Variants in EHD3 observed in about 807,000 individuals in gnomAD.
The protein encoded by EHD3 is EH domain containing 3, also known as EH domain-containing protein 3.
A neutral mutation model predicts 43.0 loss-of-function variants in EHD3; 17 were observed. The ratio of observed to expected loss-of-function variants is 0.40; its 90% CI spans 0.27 to 0.59. EHD3 has a LOEUF of 0.59. Among genes scored for constraint, EHD3 ranks in the 20% least tolerant of loss-of-function variants. The probability of loss-of-function intolerance (pLI) is 0.49; values close to 1 mark genes in which losing one functional copy is unlikely to be tolerated. For synonymous variants in EHD3, 313 were observed against 289.5 expected, an observed-to-expected ratio of 1.08 and a Z score of -0.82; for missense variants, 594 against 705.6, an observed-to-expected ratio of 0.84 and a Z score of 1.79.
Position 31,252,936 on chromosome 2 carries a change from C to G in EHD3, c.502+3468C>G, listed in dbSNP as rs182786718. Among the ~76,000 whole-genome samples the G allele has an allele frequency of 2.7e-3, 405 of 152,258 alleles. 2 individuals carry two copies. The highest frequency in any genetic ancestry group is 9.4e-3 in the African/African-American group (389 of 41,538). ...AAGAGCTAGAACTGGGCTGCTGGCGCCTGGGGCGGTGCTGACCTCAGCACC... is the reference window on the plus strand; with the variant it reads ...AAGAGCTAGAACTGGGCTGCTGGCGGCTGGGGCGGTGCTGACCTCAGCACC... On this transcript the variant is annotated intron_variant, in intron 3 of 5. Coordinates refer to ENST00000322054, the MANE Select transcript of EHD3 (RefSeq NM_014600.3).
chr2:31,244,314 C>T lies in EHD3; in HGVS notation c.268C>T (p.Pro90Ser), dbSNP rs1043343022. Residue 90 changes from proline (P) to serine (S), a missense_variant, in exon 2 of 6, where the codon CCT becomes TCT. Pro to Ser is a moderately conservative substitution (Grantham distance 74). Transcript: ENST00000322054. ...EQDFPGMRIG[P>S]EPTTDSFIAV... ...GGACTTCCCAGGCATGAGGATTGGG[C>T]CTGAGCCCACCACAGACTCCTTCAT... 4 of 1,614,166 alleles carry T rather than the reference C, an allele frequency of 2.5e-6. No individual in the cohort carries two copies. The South Asian group carries it at 3.3e-5, about 13-fold the overall frequency.
chr2:31,242,011 G>C (rs1330065378), intron 1 of EHD3, among the ~76,000 whole-genome samples: 1 of 152,224 alleles, frequency 6.6e-6, no homozygotes, highest in Non-Finnish European at 1.5e-5. Flanking sequence ...TGCCCTGTGT[G>C]GCGGGTGGCC....
chr2:31,241,625 G>T (rs1393019656), intron 1 of EHD3, among the ~76,000 whole-genome samples: 2 of 152,168 alleles, frequency 1.3e-5, no homozygotes, highest in African/African-American at 4.8e-5. Context: ...GGAAAATTTA[G>T]AACAACGTCC....
rs376904165 is a variant in EHD3 at position 31,266,140 on chromosome 2, C to T, written c.1081-37C>T. On this transcript the variant is annotated intron_variant, in intron 5 of 5. Transcript: ENST00000322054. This position sits in a 1 kb window ranked among gnomAD's most constrained non-coding sequence, Gnocchi z 5.1. Reference sequence around the variant, plus strand: ...GATAAATGGAGGGCTCTCCTTTCATCGTATCCTATCTTCATCCTCTCTCCT... The same window carrying T: ...GATAAATGGAGGGCTCTCCTTTCATTGTATCCTATCTTCATCCTCTCTCCT... 2.0e-5 allele frequency: 32 copies of T among 1,571,012 alleles called. No individual in the cohort carries two copies. Among genetic ancestry groups the T allele is most frequent in the African/African-American group, 1.4e-5 (1 of 74,038 alleles).
chr2:31,240,294 T>C (rs1249154726), intron 1 of EHD3, among the ~76,000 whole-genome samples: 1 of 152,176 alleles, frequency 6.6e-6, no homozygotes, highest in Non-Finnish European at 1.5e-5. Flanking sequence ...CTGGCCTGAA[T>C]TAACTTTTCT....
chr2:31,239,449 C>A (rs79887799), intron 1 of EHD3, among the ~76,000 whole-genome samples: 3 of 152,268 alleles, frequency 2.0e-5, no homozygotes, highest in Admixed American at 2.0e-4. Flanking sequence ...ACTGTGTCCG[C>A]GTGCCTCGGC....
At chr2:31,253,238 A>T (rs1296349287) in intron 3 of EHD3, among the ~76,000 whole-genome samples, 1 of 94,664 alleles carries the variant, frequency 1.1e-5, no homozygotes, top group African/African-American at 5.1e-5. Context: ...CCCCACAGCA[A>T]CCCCCTCCCA....
intron 3 of EHD3, among the ~76,000 whole-genome samples, chr2:31,254,868 C>T (rs1683720289): frequency 6.6e-6 from 1 of 152,230 alleles, no homozygotes; most frequent in South Asian, 2.1e-4. Flanking sequence ...GTATGCCCTA[C>T]TTACCTCCTG....
At position 31,260,648 on chromosome 2, in the gene EHD3, T is replaced by G. The variant is rs762432989; in HGVS notation, c.641T>G (p.Met214Arg). 1 of 1,614,194 alleles carries G rather than the reference T, an allele frequency of 6.2e-7. No homozygotes were observed. The highest frequency in any genetic ancestry group is 1.1e-5 in the South Asian group (1 of 91,084). ...GCCCTCAAGAACCACGAGGACAAGA[T>G]GCGAGTGGTGCTGAACAAAGCTGAC... Reference protein sequence around the residue: ...IKALKNHEDKMRVVLNKADQI... With the variant: ...IKALKNHEDKRRVVLNKADQI... The change falls in exon 4 of 6, where the codon ATG (methionine) becomes AGG (arginine). Residue 214 changes from methionine to arginine, a missense_variant. This residue lies in a region of EHD3 where 243 missense variants were observed against 296.7 expected (regional missense o/e 0.82). Coordinates refer to ENST00000322054, the MANE Select transcript of EHD3 (RefSeq NM_014600.3). This position sits in a 1 kb window ranked among gnomAD's most constrained non-coding sequence, Gnocchi z 4.6.
chr2:31,237,108 T>A (rs1423144561), intron 1 of EHD3, among the ~76,000 whole-genome samples: 1 of 152,166 alleles, frequency 6.6e-6, no homozygotes, highest in Non-Finnish European at 1.5e-5. Flanking sequence ...GCCAGCGCTG[T>A]AGGAGGGGTC....
intron 3 of EHD3, among the ~76,000 whole-genome samples, chr2:31,255,030 T>G (rs1683723820): frequency 6.6e-6 from 1 of 152,204 alleles, no homozygotes; most frequent in Non-Finnish European, 1.5e-5. Context: ...GTTTGTCTGA[T>G]TGATTTCCTC....
Position 31,264,533 on chromosome 2 carries a change from C to CTTTTT in EHD3, c.1081-1628_1081-1624dup, listed in dbSNP as rs35446028. On this transcript the variant is annotated intron_variant, in intron 5 of 5. Coordinates refer to ENST00000322054, the MANE Select transcript of EHD3 (RefSeq NM_014600.3). ...TAAATTAACATTTCTACTTTACAGA[C>CTTTTT]TTTTTTTTTTTTTTTTTTTTGATAC... Among the ~76,000 whole-genome samples, 1,113 of 114,128 alleles carry CTTTTT rather than the reference C, an allele frequency of 9.8e-3. 63 individuals carry two copies. The highest frequency in any genetic ancestry group is 0.031 in the African/African-American group (877 of 28,508). The allele number at this position is 114,128 out of a possible 152,430, so 74.9% of individuals were successfully genotyped here. A position where few individuals can be genotyped will look rare whatever the true frequency, so the allele number is the denominator to read the frequency against.
At chr2:31,257,019 A>G (rs1000258209) in intron 3 of EHD3, among the ~76,000 whole-genome samples, 44 of 152,212 alleles carry the variant, frequency 2.9e-4, no homozygotes, top group African/African-American at 1.1e-3. Flanking sequence ...TGGACAGGTG[A>G]GAGGGAGCTG....
chr2:31,258,216 T>C (rs1231201988), intron 3 of EHD3, among the ~76,000 whole-genome samples: 1 of 152,112 alleles, frequency 6.6e-6, no homozygotes, highest in African/African-American at 2.4e-5. Context: ...AAAGGAGGGT[T>C]TGACCTTCCT....
At chr2:31,241,871 C>T (rs1313850223) in intron 1 of EHD3, among the ~76,000 whole-genome samples, 1 of 152,208 alleles carries the variant, frequency 6.6e-6, no homozygotes, top group Non-Finnish European at 1.5e-5. Flanking sequence ...AGGATTCACT[C>T]TCATCACAAC....
intron 3 of EHD3, among the ~76,000 whole-genome samples, chr2:31,258,463 G>A (rs528555916): frequency 2.6e-5 from 4 of 152,186 alleles, no homozygotes; most frequent in African/African-American, 9.6e-5. Context: ...CCACCCCATC[G>A]ATGCCTGCTA....
Position 31,244,912 on chromosome 2 carries a change from A to G in EHD3, c.404+462A>G, listed in dbSNP as rs1683490229. ...CTTGGGTTTGAGCACTAACTCTTCT[A>G]CTAAATTGAATGACCTTGCACAGGT... On this transcript the variant is annotated intron_variant, in intron 2 of 5. Transcript: ENST00000322054. Among the ~76,000 whole-genome samples the G allele has an allele frequency of 2.0e-5, 3 of 152,330 alleles. No homozygotes were observed. The South Asian group carries it at 6.2e-4, about 32-fold the overall frequency.
In EHD3 at chr2:31,268,266, T is replaced by C. The variant is rs1226373398; in HGVS notation, c.*1562T>C. ...GCTCCTACTGTGATGGAAAACAAAA[T>C]GAGTATAACTTATTTTATATCCATA... On this transcript the variant is annotated 3_prime_UTR_variant, in exon 6 of 6. Coordinates refer to ENST00000322054, the MANE Select transcript of EHD3 (RefSeq NM_014600.3). 1 of 152,634 alleles carries C rather than the reference T, an allele frequency of 6.6e-6. No homozygotes were observed. The highest frequency in any genetic ancestry group is 1.5e-5 in the Non-Finnish European group (1 of 68,042). The allele number at this position is 152,634 out of a possible 1,614,324, so 9.5% of individuals were successfully genotyped here.
intron 2 of EHD3, among the ~76,000 whole-genome samples, chr2:31,247,364 AT>A (rs979017324): frequency 2.0e-5 from 3 of 148,390 alleles, no homozygotes; most frequent in Non-Finnish European, 4.5e-5. Flanking sequence ...AAAAAAAAAA[AT>A]TATAAAGAAA....
Sources: allele counts gnomAD v4.1 joint callset (sites outside exome capture counted in the v4.1 genomes callset), GRCh38; gene constraint gnomAD v4.1.1; regional missense constraint gnomAD v4.1.1; non-coding constraint Gnocchi (gnomAD v3.1); transcripts MANE v1.5; gene names NCBI Gene and HGNC (gene_info 2026-07-23, HGNC 2026-07-21).